The following PIP5K1B variants were observed in gnomAD, a reference collection of about 807,000 sequenced individuals.
PIP5K1B encodes the protein phosphatidylinositol 4-phosphate 5-kinase type-1 beta.
Under a neutral mutation model 67.0 loss-of-function variants are expected in PIP5K1B, and 42 were observed. The ratio of observed to expected loss-of-function variants is 0.63; its 90% CI spans 0.49 to 0.81. The LOEUF is 0.81. PIP5K1B is among the 30% of genes least tolerant of loss of function. The pLI, the probability that PIP5K1B is intolerant of heterozygous loss-of-function variation, is 0.00. For missense variants in PIP5K1B, 459 were observed against 646.3 expected (o/e 0.71, Z 3.14); for synonymous variants, 214 against 231.4 (o/e 0.92, Z 0.68).
chr9:68,727,024 T>G (rs557735066), intron 1 of PIP5K1B, among the ~76,000 whole-genome samples: 1 of 152,116 alleles, frequency 6.6e-6, no homozygotes, highest in African/African-American at 2.4e-5. Flanking sequence ...TAGACAATCA[T>G]GTTGTCTATG....
intron 4 of PIP5K1B, among the ~76,000 whole-genome samples, chr9:68,847,828 T>G (rs754428844): frequency 9.2e-5 from 14 of 152,038 alleles, no homozygotes; most frequent in Non-Finnish European, 1.8e-4. Context: ...ATTAAAAGAG[T>G]AGAAGCTGGC....
At chr9:68,903,195 C>G (rs537946914) in intron 8 of PIP5K1B, among the ~76,000 whole-genome samples, 1 of 152,184 alleles carries the variant, frequency 6.6e-6, no homozygotes, top group Admixed American at 6.5e-5. Flanking sequence ...TTAGCTCACT[C>G]GAGAGTTCTT....
At chr9:69,004,483 G>C (rs1830980928) in intron 15 of PIP5K1B, among the ~76,000 whole-genome samples, 1 of 152,094 alleles carries the variant, frequency 6.6e-6, no homozygotes, top group Non-Finnish European at 1.5e-5. Flanking sequence ...CAGTTAGGTT[G>C]GCCAAGATGA....
chr9:68,800,074 G>A (rs1832517156), intron 2 of PIP5K1B, among the ~76,000 whole-genome samples: 1 of 152,174 alleles, frequency 6.6e-6, no homozygotes, highest in Admixed American at 6.5e-5. Flanking sequence ...AATAGGCAAA[G>A]GACTTAAATA....
intron 1 of PIP5K1B, among the ~76,000 whole-genome samples, chr9:68,736,202 C>G (rs1381247119): frequency 6.6e-6 from 1 of 152,158 alleles, no homozygotes; most frequent in African/African-American, 2.4e-5. Flanking sequence ...ATAGGGTCAT[C>G]TGATTTCATA....
chr9:68,751,827 C>G (rs1829648715), intron 2 of PIP5K1B, among the ~76,000 whole-genome samples: 1 of 152,126 alleles, frequency 6.6e-6, no homozygotes, highest in Admixed American at 6.5e-5. Context: ...GGTAGTTACA[C>G]AACATTGTGA....
chr9:68,889,136 A>T lies in PIP5K1B; in HGVS notation c.471+3A>T. 6.2e-7 allele frequency: 1 copy of T among 1,609,058 alleles called. No individual in the cohort carries two copies. The highest frequency in any genetic ancestry group is 8.5e-7 in the Non-Finnish European group (1 of 1,175,808). On this transcript the variant is annotated splice_donor_region_variant and intron_variant, in intron 7 of 15. Transcript: ENST00000265382. Reference sequence around the variant, plus strand: ...AGCTACTGCCAGGCTATTACATGGTAAGGAACTGCACATCATTAATGCTTC... The same window carrying T: ...AGCTACTGCCAGGCTATTACATGGTTAGGAACTGCACATCATTAATGCTTC...
At chr9:68,709,939 A>T (rs564554201) in intron 1 of PIP5K1B, among the ~76,000 whole-genome samples, 1 of 152,196 alleles carries the variant, frequency 6.6e-6, no homozygotes. Context: ...ACACAAATGT[A>T]TGCTGGTATT....
At chr9:68,911,656 C>T (rs994412832) in intron 8 of PIP5K1B, among the ~76,000 whole-genome samples, 2 of 151,974 alleles carry the variant, frequency 1.3e-5, no homozygotes, top group Non-Finnish European at 2.9e-5. Flanking sequence ...TTTAGGAGGC[C>T]GAGGTGGTTG....
intron 1 of PIP5K1B, among the ~76,000 whole-genome samples, chr9:68,716,974 A>G (rs1827664468): frequency 6.6e-6 from 1 of 152,230 alleles, no homozygotes; most frequent in Admixed American, 6.5e-5. Context: ...ATCCTAAGCA[A>G]ATTAACACAG....
intron 1 of PIP5K1B, among the ~76,000 whole-genome samples, chr9:68,714,862 G>A (rs1452637643): frequency 3.9e-5 from 6 of 152,106 alleles, no homozygotes; most frequent in African/African-American, 9.7e-5. Context: ...AGAGTTCTCC[G>A]GCAGTTCCCA....
intron 6 of PIP5K1B, among the ~76,000 whole-genome samples, chr9:68,883,991 A>G (rs369198607): frequency 1.3e-5 from 2 of 152,194 alleles, no homozygotes; most frequent in East Asian, 1.9e-4. Flanking sequence ...CATCATAAAC[A>G]AGAATCATCT....
At chr9:68,878,158 G>T (rs757746595) in intron 6 of PIP5K1B, among the ~76,000 whole-genome samples, 11 of 152,122 alleles carry the variant, frequency 7.2e-5, no homozygotes, top group Non-Finnish European at 1.2e-4. Context: ...ATTATATTAT[G>T]GAAAACAAGA....
At position 68,942,966 on chromosome 9, in the gene PIP5K1B, G is replaced by A. The variant is rs143798436; in HGVS notation, c.1502+2176G>A. 2.9e-3 allele frequency among the ~76,000 whole-genome samples: 441 copies of A among 152,234 alleles called. 1 individual carries two copies. Among genetic ancestry groups the A allele is most frequent in the African/African-American group, 0.01 (421 of 41,544 alleles). On this transcript the variant is annotated intron_variant, in intron 14 of 15. Coordinates refer to ENST00000265382, the MANE Select transcript of PIP5K1B (RefSeq NM_003558.4). ...AGGCTGGCACCAGGAAATCCATCCT[G>A]GAACATGCCACCAAACTGAGCCACC...
intron 8 of PIP5K1B, among the ~76,000 whole-genome samples, chr9:68,902,961 A>G (rs560590724): frequency 1.3e-5 from 2 of 152,346 alleles, no homozygotes; most frequent in Admixed American, 6.5e-5. Context: ...GCCTGGTGAT[A>G]TGCCTGTGAG....
intron 1 of PIP5K1B, among the ~76,000 whole-genome samples, chr9:68,721,264 A>T (rs1827868391): frequency 6.6e-6 from 1 of 152,188 alleles, no homozygotes; most frequent in South Asian, 2.1e-4. Flanking sequence ...GATGAATTAG[A>T]AGGGTAAGAG....
intron 2 of PIP5K1B, among the ~76,000 whole-genome samples, chr9:68,758,597 G>A (rs903446312): frequency 3.9e-5 from 6 of 152,018 alleles, no homozygotes; most frequent in African/African-American, 1.2e-4. Context: ...GCAGGGAGAG[G>A]GGAAGCAGAG....
chr9:68,953,264 CT>C (rs942495673), intron 14 of PIP5K1B, among the ~76,000 whole-genome samples: 1 of 151,954 alleles, frequency 6.6e-6, no homozygotes, highest in African/African-American at 2.4e-5. Flanking sequence ...TATAAGAATT[CT>C]TTTTTTGTTC....
chr9:68,792,745 C>T (rs948101049), intron 2 of PIP5K1B, among the ~76,000 whole-genome samples: 1 of 152,190 alleles, frequency 6.6e-6, no homozygotes, highest in Non-Finnish European at 1.5e-5. Flanking sequence ...TCCCAAAGTG[C>T]TGGGATTACA....
Sources: gnomAD v4.1 joint callset for allele counts (sites outside exome capture counted in the v4.1 genomes callset) on GRCh38, gnomAD v4.1.1 for gene constraint, MANE v1.5 for transcripts, NCBI Gene and HGNC (gene_info 2026-07-23, HGNC 2026-07-21) for gene names.